The following FAM107B variants were observed in gnomAD, a reference collection of about 807,000 sequenced individuals.
FAM107B encodes the protein protein FAM107B.
A neutral mutation model predicts 31.5 loss-of-function variants in FAM107B; 21 were observed. The ratio of observed to expected loss-of-function variants is 0.67; its 90% CI spans 0.47 to 0.96. FAM107B has a LOEUF of 0.96. Among genes scored for constraint, FAM107B ranks in the 40% least tolerant of loss-of-function variants. FAM107B has a pLI of 0.00. For missense variants in FAM107B, 452 were observed against 377.1 expected (o/e 1.20, Z -1.64); for synonymous variants, 157 against 141.5 (o/e 1.11, Z -0.78).
intron 2 of FAM107B, among the ~76,000 whole-genome samples, chr10:14,558,195 AC>A (rs1849870411): frequency 4.1e-5 from 3 of 73,768 alleles, no homozygotes; most frequent in Non-Finnish European, 1.0e-4. Context: ...GTGTGCACAC[AC>A]TCACGTGCAC....
intron 2 of FAM107B, among the ~76,000 whole-genome samples, chr10:14,616,267 G>GA (rs1221884634): frequency 6.6e-6 from 1 of 152,102 alleles, no homozygotes; most frequent in Non-Finnish European, 1.5e-5. Flanking sequence ...TTATATACAG[G>GA]AAAAAATCTG....
intron 2 of FAM107B, among the ~76,000 whole-genome samples, chr10:14,662,378 CTTT>C (rs3035295): frequency 1.4e-5 from 2 of 139,660 alleles, no homozygotes; most frequent in Non-Finnish European, 3.1e-5. Context: ...TCTGACCTGT[CTTT>C]TTTTTTTTTT....
intron 1 of FAM107B, among the ~76,000 whole-genome samples, chr10:14,754,975 C>T (rs941311351): frequency 5.9e-5 from 9 of 152,164 alleles, no homozygotes; most frequent in African/African-American, 1.2e-4. Flanking sequence ...TTCCTAACTG[C>T]GTTTCTGAGG....
chr10:14,769,677 C>T (rs1017084277), intron 1 of FAM107B, among the ~76,000 whole-genome samples: 7 of 152,196 alleles, frequency 4.6e-5, no homozygotes, highest in African/African-American at 9.7e-5. Flanking sequence ...TGAGCCACCG[C>T]GCCCGGCCAC....
rs187978517 is a variant in FAM107B at position 14,598,702 on chromosome 10, G to A, written c.470-68187C>T. Among the ~76,000 whole-genome samples the A allele has an allele frequency of 2.9e-3, 443 of 152,318 alleles. 4 individuals carry two copies. Among genetic ancestry groups the A allele is most frequent in the African/African-American group, 9.7e-3 (402 of 41,562 alleles). On this transcript the variant is annotated intron_variant, in intron 2 of 4. Transcript: ENST00000181796. The stretch of plus-strand genomic sequence containing the variant: ...GTTAAGAAGGTAGATCTCATGTTAA[G>A]TGCTCTTATCGCAGTAACATTTTGT...
chr10:14,607,881 T>A (rs1385135916), intron 2 of FAM107B, among the ~76,000 whole-genome samples: 2 of 152,178 alleles, frequency 1.3e-5, no homozygotes, highest in Non-Finnish European at 2.9e-5. Context: ...CTGGAAAACA[T>A]ACATAATAAT....
At chr10:14,556,416 A>C (rs1183649987) in intron 2 of FAM107B, 2 of 985,394 alleles carry the variant, frequency 2.0e-6, no homozygotes, top group African/African-American at 3.5e-5. Flanking sequence ...CTGAAAAAGG[A>C]AATACACCAG....
chr10:14,763,201 G>T (rs1352053830), intron 1 of FAM107B, among the ~76,000 whole-genome samples: 2 of 152,182 alleles, frequency 1.3e-5, no homozygotes, highest in African/African-American at 4.8e-5. Context: ...GGCAGAGGTT[G>T]CAGTGAGCTG....
intron 2 of FAM107B, among the ~76,000 whole-genome samples, chr10:14,540,258 G>A (rs772967510): frequency 7.9e-5 from 12 of 152,198 alleles, no homozygotes; most frequent in Non-Finnish European, 1.3e-4. Flanking sequence ...AGTGTCACTT[G>A]GCCTGTCAGG....
At chr10:14,682,922 A>T (rs947216067) in intron 1 of FAM107B, among the ~76,000 whole-genome samples, 1 of 152,090 alleles carries the variant, frequency 6.6e-6, no homozygotes. Flanking sequence ...TAAATAAATA[A>T]ATAAAAATAA....
At chr10:14,718,989 A>T (rs1457062714) in intron 1 of FAM107B, among the ~76,000 whole-genome samples, 1 of 152,194 alleles carries the variant, frequency 6.6e-6, no homozygotes, top group Non-Finnish European at 1.5e-5. Flanking sequence ...AGATGATAGG[A>T]CAGTCCTGAG....
At chr10:14,593,861 T>C (rs1852095837) in intron 2 of FAM107B, among the ~76,000 whole-genome samples, 1 of 152,230 alleles carries the variant, frequency 6.6e-6, no homozygotes, top group Non-Finnish European at 1.5e-5. Context: ...TCTTCCAATA[T>C]AGACTATATG....
chr10:14,540,824 TA>T (rs1233797373), intron 2 of FAM107B, among the ~76,000 whole-genome samples: 1 of 152,176 alleles, frequency 6.6e-6, no homozygotes, highest in Non-Finnish European at 1.5e-5. Flanking sequence ...ACTCACGATT[TA>T]TTGAAGGCCT....
intron 1 of FAM107B, among the ~76,000 whole-genome samples, chr10:14,748,516 G>A (rs1832769098): frequency 6.6e-6 from 1 of 152,184 alleles, no homozygotes; most frequent in South Asian, 2.1e-4. Context: ...TACAATCTGA[G>A]GTATGTCCCC....
intron 1 of FAM107B, among the ~76,000 whole-genome samples, chr10:14,737,254 G>A (rs1856321340): frequency 6.6e-6 from 1 of 151,892 alleles, no homozygotes; most frequent in East Asian, 1.9e-4. Context: ...GATATGGGGA[G>A]AAAAAGGAGG....
intron 2 of FAM107B, among the ~76,000 whole-genome samples, chr10:14,596,096 G>A (rs190288739): frequency 6.6e-6 from 1 of 152,244 alleles, no homozygotes; most frequent in East Asian, 1.9e-4. Flanking sequence ...TCCCACACAG[G>A]CCCTCTGGCC....
chr10:14,673,054 A>T (rs1854598382), intron 1 of FAM107B, among the ~76,000 whole-genome samples: 1 of 152,254 alleles, frequency 6.6e-6, no homozygotes, highest in African/African-American at 2.4e-5. Flanking sequence ...TGATATTTCA[A>T]TACATGTATA....
chr10:14,565,555 C>T (rs1157465897), intron 2 of FAM107B, among the ~76,000 whole-genome samples: 2 of 152,186 alleles, frequency 1.3e-5, no homozygotes, highest in Non-Finnish European at 2.9e-5. Flanking sequence ...GTGTTACAGA[C>T]TCACTGCATT....
chr10:14,696,227 C>T (rs2688835), intron 1 of FAM107B, among the ~76,000 whole-genome samples: 49,286 of 152,038 alleles, frequency 0.32, 8,182 homozygotes, highest in Admixed American at 0.36. Context: ...TCTGCATCAA[C>T]TGAGGTAACC....
Sources: allele counts gnomAD v4.1 joint callset (sites outside exome capture counted in the v4.1 genomes callset), GRCh38; gene constraint gnomAD v4.1.1; transcripts MANE v1.5; gene names NCBI Gene and HGNC (gene_info 2026-07-23, HGNC 2026-07-21).